The following PLXNB2 variants were observed in gnomAD, a reference collection of about 807,000 sequenced individuals.
The protein encoded by PLXNB2 is plexin-B2.
A neutral mutation model predicts 202.6 loss-of-function variants in PLXNB2; 85 were observed. The ratio of observed to expected loss-of-function variants is 0.42; its 90% confidence interval spans 0.35 to 0.50. PLXNB2 has a LOEUF of 0.50. PLXNB2 is among the 20% of genes least tolerant of loss of function. PLXNB2 has a pLI of 0.02. For missense variants in PLXNB2, 2,063 were observed against 2,586.2 expected (o/e 0.80, Z 4.39); for synonymous variants, 1,239 against 1,137.6 (o/e 1.09, Z -1.79).
In PLXNB2 at chr22:50,291,046, C is replaced by G. The variant is rs2066835970; in HGVS notation, c.-13-449G>C. The stretch of plus-strand genomic sequence containing the variant: ...ACAGACAGACCCCTGGACGTTGGAA[C>G]AGGTGGCTCACCCATGGGGCAGAGG... On this transcript the variant is annotated intron_variant, in intron 2 of 36. Coordinates refer to ENST00000359337, the MANE Select transcript of PLXNB2 (RefSeq NM_012401.4). The surrounding 1 kb of genome is among the most constrained non-coding windows in gnomAD (Gnocchi z 4.3). 6.6e-6 allele frequency among the ~76,000 whole-genome samples: 1 copy of G among 152,204 alleles called. No homozygotes were observed. Among genetic ancestry groups the G allele is most frequent in the Non-Finnish European group, 1.5e-5 (1 of 68,036 alleles).
In PLXNB2 at chr22:50,289,943, G is replaced by A. The variant is rs1569174454; in HGVS notation, c.642C>T (p.Asn214=). 4 of 1,613,240 alleles carry A rather than the reference G, an allele frequency of 2.5e-6. No homozygotes were observed. The highest frequency in any genetic ancestry group is 4.5e-5 in the East Asian group (2 of 44,906). ...ATYKAGYLST[N]TQQFVAAFED... ...CGAAGGCCGCCACGAACTGCTGTGT[G>A]TTGGTGGACAGGTAGCCGGCCTTGT... Residue 214 remains asparagine, a synonymous_variant, in exon 3 of 37, where the codon AAC becomes AAT. Transcript: ENST00000359337. This position sits in a 1 kb window ranked among gnomAD's most constrained non-coding sequence, Gnocchi z 8.0.
At chr22:50,296,110 A>C (rs1026134841) in intron 1 of PLXNB2, among the ~76,000 whole-genome samples, 3 of 151,860 alleles carry the variant, frequency 2.0e-5, no homozygotes, top group African/African-American at 4.8e-5. Flanking sequence ...TCAAAAAAAG[A>C]AAAGAAAATA....
chr22:50,306,815 C>A (rs1285379129), intron 1 of PLXNB2, among the ~76,000 whole-genome samples: 1 of 152,212 alleles, frequency 6.6e-6, no homozygotes, highest in South Asian at 2.1e-4. Context: ...GAAGAGAAAT[C>A]AAGGGCCTGG....
In PLXNB2 at chr22:50,294,773, G is replaced by A. The variant is rs1458272215; in HGVS notation, c.-68C>T. 1 of 985,456 alleles carries A rather than the reference G, an allele frequency of 1.0e-6. No individual in the cohort carries two copies. Among genetic ancestry groups the A allele is most frequent in the African/African-American group, 1.7e-5 (1 of 57,244 alleles). 61.0% of individuals were successfully genotyped at this position (985,456 alleles called of 1,614,324 possible). A position where few individuals can be genotyped will look rare whatever the true frequency, so the allele number is the denominator to read the frequency against. On this transcript the variant is annotated 5_prime_UTR_variant, in exon 2 of 37. Transcript: ENST00000359337. The stretch of plus-strand genomic sequence containing the variant: ...AGTTTCTGCTCCAGGCCAGCATCGA[G>A]ATTCTCTAGGAGGCAAAGGAGAGAC...
intron 35 of PLXNB2, among the ~76,000 whole-genome samples, 184 bp from the exon 36 acceptor site, chr22:50,276,147 T>A (rs2065543014): frequency 6.6e-6 from 1 of 151,990 alleles, no homozygotes; most frequent in Admixed American, 6.6e-5. Flanking sequence ...GGCAGAGTTG[T>A]GCACATCCAA....
rs1156496011 is a variant in PLXNB2 at position 50,287,174 on chromosome 22, C to A, written c.1699G>T (p.Val567Leu). 2 of 1,547,686 alleles carry A rather than the reference C, an allele frequency of 1.3e-6. No homozygotes were observed. The highest frequency in any genetic ancestry group is 8.7e-7 in the Non-Finnish European group (1 of 1,145,468). ...TTGCAGATGACGGCCTCGCCCTCCACGCGGGCGGGGTGTGGCGGCGACTCC... is the reference window on the plus strand; with the variant it reads ...TTGCAGATGACGGCCTCGCCCTCCAAGCGGGCGGGGTGTGGCGGCGACTCC... ...FGESPPHPAR[V>L]EGEAVICNSP... Residue 567 changes from valine to leucine, a missense_variant, in exon 8 of 37, where the codon GTG becomes TTG. Physicochemically the swap from Val to Leu is conservative, Grantham distance 32 (BLOSUM62 1). Around this residue, in one of 2 missense-constraint regions of PLXNB2, gnomAD observed 1,303 missense variants for 1,476.8 expected, o/e 0.88. Transcript: ENST00000359337.
chr22:50,284,761 G>T lies in PLXNB2; in HGVS notation c.2089-96C>A. On this transcript the variant is annotated intron_variant, in intron 11 of 36. Transcript: ENST00000359337. This position sits in a 1 kb window ranked among gnomAD's most constrained non-coding sequence, Gnocchi z 8.0. Reference sequence around the variant, plus strand: ...AGCCCCTCCTCTGTGCCTACAGTGTGGGAGCCCTCTCCTCACCCCACACAT... The same window carrying T: ...AGCCCCTCCTCTGTGCCTACAGTGTTGGAGCCCTCTCCTCACCCCACACAT... 1 of 933,208 alleles carries T rather than the reference G, an allele frequency of 1.1e-6. No individual in the cohort carries two copies. Among genetic ancestry groups the T allele is most frequent in the Non-Finnish European group, 1.8e-6 (1 of 563,140 alleles). 57.8% of individuals were successfully genotyped at this position (933,208 alleles called of 1,614,324 possible). A position where few individuals can be genotyped will look rare whatever the true frequency, so the allele number is the denominator to read the frequency against.
At chr22:50,301,462 T>TGCGGTCAGACAGCAG in intron 1 of PLXNB2, 1 of 909,346 alleles carries the variant, frequency 1.1e-6, no homozygotes, top group Non-Finnish European at 1.3e-6. Context: ...GGACAGGACA[T>TGCGGTCAGACAGCAG]GCGGTCAGAC....
intron 24 of PLXNB2, 25 bp downstream of exon 24, chr22:50,280,719 C>G: frequency 3.5e-6 from 5 of 1,448,088 alleles, no homozygotes; most frequent in Non-Finnish European, 2.8e-6. Context: ...TGTGTGCCCT[C>G]CCGCCCGCCC....
intron 2 of PLXNB2, among the ~76,000 whole-genome samples, chr22:50,294,141 C>G (rs1403626229): frequency 3.9e-5 from 6 of 152,244 alleles, no homozygotes; most frequent in Non-Finnish European, 8.8e-5. Flanking sequence ...GTTCCTGGAA[C>G]AGGAGGGAGG....
chr22:50,283,926 G>A lies in PLXNB2; in HGVS notation c.2328C>T (p.Asp776=), dbSNP rs757264928. 5 of 1,570,456 alleles carry A rather than the reference G, an allele frequency of 3.2e-6. No individual in the cohort carries two copies. In the South Asian group the frequency reaches 3.5e-5, roughly 11 times the overall value. ...DCSLCRAANP[D]YRCAWCGGQS... ...GGCCCCCGCACCACGCACACCTGTA[G>A]TCGGGGTTAGCGGCCCGGCACAGGC... Residue 776 remains aspartate, a synonymous_variant, in exon 14 of 37, where the codon GAC becomes GAT. Coordinates refer to ENST00000359337, the MANE Select transcript of PLXNB2 (RefSeq NM_012401.4).
intron 2 of PLXNB2, among the ~76,000 whole-genome samples, chr22:50,290,973 G>A (rs910490866): frequency 6.6e-6 from 1 of 152,204 alleles, no homozygotes; most frequent in Middle Eastern, 3.4e-3. Flanking sequence ...ACCCCAAGGA[G>A]CTCCAGGTGG....
In PLXNB2 at chr22:50,297,623, A is replaced by C. The variant is rs1291610284; in HGVS notation, c.-73-2845T>G. 6.6e-6 allele frequency among the ~76,000 whole-genome samples: 1 copy of C among 152,090 alleles called. No individual in the cohort carries two copies. Among genetic ancestry groups the C allele is most frequent in the Non-Finnish European group, 1.5e-5 (1 of 68,002 alleles). Reference sequence around the variant, plus strand: ...CTGAGCCAGGCTCCATCTCCTGCTCACAAGATTCCCGCTTAGCTACCCCAG... The same window carrying C: ...CTGAGCCAGGCTCCATCTCCTGCTCCCAAGATTCCCGCTTAGCTACCCCAG... On this transcript the variant is annotated intron_variant, in intron 1 of 36. Transcript: ENST00000359337. This position sits in a 1 kb window ranked among gnomAD's most constrained non-coding sequence, Gnocchi z 5.3.
rs533104089 is a variant in PLXNB2 at position 50,288,330 on chromosome 22, C to A, written c.1381-293G>T. Reference sequence around the variant, plus strand: ...GTGCTCCTAGGGCTGGCCTGAGGGTCTCTGGCACTAACCCCCCACAAGCTT... The same window carrying A: ...GTGCTCCTAGGGCTGGCCTGAGGGTATCTGGCACTAACCCCCCACAAGCTT... On this transcript the variant is annotated intron_variant, in intron 5 of 36. Transcript: ENST00000359337. This position sits in a 1 kb window ranked among gnomAD's most constrained non-coding sequence, Gnocchi z 5.0. Among the ~76,000 whole-genome samples the A allele has an allele frequency of 7.2e-5, 11 of 152,226 alleles. No homozygotes were observed. In the East Asian group the frequency reaches 2.1e-3, roughly 30 times the overall value.
At chr22:50,307,098 G>A (rs2067913086) in intron 1 of PLXNB2, among the ~76,000 whole-genome samples, 1 of 152,140 alleles carries the variant, frequency 6.6e-6, no homozygotes, top group Admixed American at 6.5e-5. Flanking sequence ...GGTGCTCTCC[G>A]CCCTGGTCCC....
At position 50,284,256 on chromosome 22, in the gene PLXNB2, G is replaced by A. The variant is rs549631543; in HGVS notation, c.2182-43C>T. On this transcript the variant is annotated intron_variant, in intron 12 of 36. Transcript: ENST00000359337. This position sits in a 1 kb window ranked among gnomAD's most constrained non-coding sequence, Gnocchi z 8.0. ...GCACACTGCACTTCCTGCCCCCACAGAGGGGCGTGGGGCGGGGGTCACAAG... is the reference window on the plus strand; with the variant it reads ...GCACACTGCACTTCCTGCCCCCACAAAGGGGCGTGGGGCGGGGGTCACAAG... 2 of 1,554,796 alleles carry A rather than the reference G, an allele frequency of 1.3e-6. No homozygotes were observed. The highest frequency in any genetic ancestry group is 1.7e-5 in the Admixed American group (1 of 59,902).
chr22:50,281,091 G>A lies in PLXNB2; in HGVS notation c.3761C>T (p.Thr1254Ile). 1 of 1,612,510 alleles carries A rather than the reference G, an allele frequency of 6.2e-7. No homozygotes were observed. Among genetic ancestry groups the A allele is most frequent in the Middle Eastern group, 1.6e-4 (1 of 6,062 alleles). ...ACCAGCCCCCAAGCGGTCCCTACCT[G>A]TGAATTCCTTCTTGCAGCGGTCCCG... ...SVRDRCKKEF[T>I]DLMIEMEDQT... The change falls in exon 23 of 37, where the codon ACA becomes ATA. Residue 1254 changes from threonine (T) to isoleucine (I), a missense_variant and splice_region_variant. Physicochemically the swap from Thr to Ile is moderately conservative, Grantham distance 89. This residue lies in a region of PLXNB2 where 760 missense variants were observed against 1,109.4 expected (regional missense o/e 0.69). Coordinates refer to ENST00000359337, the MANE Select transcript of PLXNB2 (RefSeq NM_012401.4).
chr22:50,281,274 T>C (rs2065967796), intron 22 of PLXNB2, 85 bp from the exon 23 acceptor site: 2 of 1,576,554 alleles, frequency 1.3e-6, no homozygotes, highest in Admixed American at 1.8e-5. Flanking sequence ...CACGCCTGCC[T>C]GTGCAGGGCG....
chr22:50,288,156 A>C lies in PLXNB2; in HGVS notation c.1381-119T>G. ...TCTGTCCCGGGGCCTCGGGAGCCTC[A>C]GACACCTCAGGCTTGATATTAAACA... On this transcript the variant is annotated intron_variant, in intron 5 of 36. Transcript: ENST00000359337. The surrounding 1 kb of genome is among the most constrained non-coding windows in gnomAD (Gnocchi z 5.0). 1 of 709,804 alleles carries C rather than the reference A, an allele frequency of 1.4e-6. No individual in the cohort carries two copies. The highest frequency in any genetic ancestry group is 2.4e-6 in the Non-Finnish European group (1 of 420,090). 44.0% of individuals were successfully genotyped at this position (709,804 alleles called of 1,614,324 possible).
Sources: allele counts gnomAD v4.1 joint callset (sites outside exome capture counted in the v4.1 genomes callset), GRCh38; gene constraint gnomAD v4.1.1; regional missense constraint gnomAD v4.1.1; non-coding constraint Gnocchi (gnomAD v3.1); transcripts MANE v1.5; gene names NCBI Gene and HGNC (gene_info 2026-07-23, HGNC 2026-07-21).